TDRD5: variants seen among roughly 807,000 people sequenced by gnomAD.
TDRD5 encodes tudor domain containing 5.
TDRD5 carries 41 observed loss-of-function variants against 120.6 expected under a neutral mutation model. The ratio of observed to expected loss-of-function variants is 0.34; its 90% CI spans 0.26 to 0.44. The LOEUF (loss-of-function observed/expected upper bound fraction) is 0.44. TDRD5 is among the 20% of genes least tolerant of loss of function. The pLI is 1.00. For synonymous variants in TDRD5, 430 were observed against 433.7 expected (o/e 0.99, Z 0.11); for missense variants, 1,006 against 1,221.2 (o/e 0.82, Z 2.63).
At chr1:179,614,644 AC>A in intron 4 of TDRD5, among the ~76,000 whole-genome samples, 1 of 152,136 alleles carries the variant, frequency 6.6e-6, no homozygotes, top group East Asian at 1.9e-4. Context: ...CTTTGCTGGT[AC>A]TCAGTACAAA....
chr1:179,629,390 A>G (rs1360382023), intron 6 of TDRD5, among the ~76,000 whole-genome samples: 1 of 152,222 alleles, frequency 6.6e-6, no homozygotes, highest in Admixed American at 6.5e-5. Context: ...AAGCATTAAC[A>G]TTAGTATTAA....
intron 14 of TDRD5, among the ~76,000 whole-genome samples, chr1:179,655,251 A>C (rs975697382): frequency 2.6e-5 from 4 of 152,292 alleles, no homozygotes; most frequent in Middle Eastern, 3.4e-3. Context: ...TACCACCACC[A>C]CACACAAACA....
At chr1:179,595,522 A>G in intron 3 of TDRD5, 106 bp from the exon 4 acceptor site, 2 of 947,506 alleles carry the variant, frequency 2.1e-6, no homozygotes, top group East Asian at 5.5e-5. Context: ...TTTTGCTTCT[A>G]AGTTGAAGGC....
rs186785863 is a variant in TDRD5, at chr1:179,620,827, C to T, written c.916-208C>T. Among the ~76,000 whole-genome samples, 361 of 152,046 alleles carry T rather than the reference C, an allele frequency of 2.4e-3. 2 individuals carry two copies. The highest frequency in any genetic ancestry group is 7.0e-3 in the African/African-American group (292 of 41,502). The stretch of plus-strand genomic sequence containing the variant: ...GTAGCATGTAATAATCATTTCTCAA[C>T]TCTGGAAATGTTGGAAATCACAGTC... On this transcript the variant is annotated intron_variant, in intron 5 of 17. Coordinates refer to ENST00000444136, the MANE Select transcript of TDRD5 (RefSeq NM_001199085.3).
chr1:179,596,106 T>TA (rs1321433805), intron 4 of TDRD5, among the ~76,000 whole-genome samples: 1 of 152,222 alleles, frequency 6.6e-6, no homozygotes, highest in Non-Finnish European at 1.5e-5. Flanking sequence ...TACAGAAGCA[T>TA]ATTTGCAATT....
intron 4 of TDRD5, among the ~76,000 whole-genome samples, chr1:179,596,144 G>A (rs1675380602): frequency 6.6e-6 from 1 of 152,162 alleles, no homozygotes; most frequent in Non-Finnish European, 1.5e-5. Context: ...CTGAATGGCT[G>A]TCCCTGAGCA....
intron 17 of TDRD5, among the ~76,000 whole-genome samples, chr1:179,685,062 G>C (rs1419178170): frequency 6.6e-6 from 1 of 152,174 alleles, no homozygotes; most frequent in Non-Finnish European, 1.5e-5. Flanking sequence ...GATCCCATTT[G>C]TCAATTTTGG....
intron 3 of TDRD5, 136 bp downstream of exon 3, chr1:179,594,003 C>T: frequency 9.0e-7 from 1 of 1,110,346 alleles, no homozygotes; most frequent in Non-Finnish European, 1.3e-6. Context: ...ACTGTTCAAT[C>T]TACTTAAGCC....
intron 4 of TDRD5, among the ~76,000 whole-genome samples, chr1:179,598,246 G>A (rs542664004): frequency 8.5e-5 from 13 of 152,298 alleles, no homozygotes; most frequent in African/African-American, 2.6e-4. Context: ...CATCATACAG[G>A]TGGTCTATTG....
chr1:179,689,037 C>A (rs1169897662), intron 17 of TDRD5, among the ~76,000 whole-genome samples: 4 of 152,184 alleles, frequency 2.6e-5, no homozygotes, highest in Non-Finnish European at 5.9e-5. Context: ...TCATCTGAAG[C>A]CATCTTCTCT....
At chr1:179,624,431 A>G (rs12042195) in intron 6 of TDRD5, among the ~76,000 whole-genome samples, 13,684 of 152,208 alleles carry the variant, frequency 0.09, 680 homozygotes, top group Middle Eastern at 0.12. Context: ...GTTCTAACCA[A>G]TGTAATAAGG....
rs1375477117 is a variant in TDRD5 at position 179,628,700 on chromosome 1, T to A, written c.973-2067T>A. Among the ~76,000 whole-genome samples the A allele has an allele frequency of 2.0e-5, 3 of 152,164 alleles. No individual in the cohort carries two copies. In the East Asian group the frequency reaches 5.8e-4, roughly 29 times the overall value. ...AAATATATCTGACATATTAGTAAAT[T>A]GACTAACCTTTTAAAAGAAACTGAG... On this transcript the variant is annotated intron_variant, in intron 6 of 17. Coordinates refer to ENST00000444136, the MANE Select transcript of TDRD5 (RefSeq NM_001199085.3).
At chr1:179,647,974 T>C (rs1326822330) in intron 11 of TDRD5, among the ~76,000 whole-genome samples, 3 of 151,982 alleles carry the variant, frequency 2.0e-5, no homozygotes, top group Non-Finnish European at 4.4e-5. Flanking sequence ...TGTGGAGAAA[T>C]AGGTACACTT....
In TDRD5 at chr1:179,595,698, A is replaced by G. The variant is rs150798452; in HGVS notation, c.711A>G (p.Pro237=). The change falls in exon 4 of 18, where the codon CCA becomes CCG. Residue 237 remains proline (P), a synonymous_variant. Coordinates refer to ENST00000444136, the MANE Select transcript of TDRD5 (RefSeq NM_001199085.3). The part of the protein sequence containing the change: ...SYSTGFPVAK[P]CFSQPTSNME... Reference sequence around the variant, plus strand: ...CCACAGGCTTTCCGGTAGCAAAGCCATGCTTTTCACAACCCACTTCAAACA... The same window carrying G: ...CCACAGGCTTTCCGGTAGCAAAGCCGTGCTTTTCACAACCCACTTCAAACA... 1.2e-3 allele frequency: 1,864 copies of G among 1,613,762 alleles called. 27 individuals carry two copies. The African/African-American group carries it at 0.022, about 19-fold the overall frequency.
chr1:179,592,784 GT>G lies in TDRD5; in HGVS notation c.170del (p.Val57AspfsTer18). On this transcript the variant is annotated frameshift_variant, in exon 2 of 18. Transcript: ENST00000444136. LOFTEE classifies it high-confidence loss of function. ...TGGGTATCGGTCCACTATGGAGCTGGTATTGGACATGCCTGATGTTGTTCGT... is the reference window on the plus strand; with the variant it reads ...TGGGTATCGGTCCACTATGGAGCTGGATTGGACATGCCTGATGTTGTTCGT... ...ILGYRSTMELVLDMPDVVRVC... is the reference protein window; with the variant it reads ...ILGYRSTMELXLDMPDVVRVC... 1 of 1,614,186 alleles carries G rather than the reference GT, an allele frequency of 6.2e-7. No homozygotes were observed. The highest frequency in any genetic ancestry group is 8.5e-7 in the Non-Finnish European group (1 of 1,180,034).
At chr1:179,642,267 A>AT (rs1026122876) in intron 11 of TDRD5, among the ~76,000 whole-genome samples, 3 of 151,468 alleles carry the variant, frequency 2.0e-5, no homozygotes, top group Admixed American at 2.0e-4. Context: ...TGCCCGGCTA[A>AT]TTTTTTTATT....
At chr1:179,607,498 G>A (rs745789452) in intron 4 of TDRD5, among the ~76,000 whole-genome samples, 2 of 151,694 alleles carry the variant, frequency 1.3e-5, no homozygotes. Flanking sequence ...CCTTGTACCT[G>A]GTTAAGTGTT....
chr1:179,639,503 G>C (rs1022288975), intron 9 of TDRD5, among the ~76,000 whole-genome samples: 3 of 152,202 alleles, frequency 2.0e-5, no homozygotes, highest in African/African-American at 7.2e-5. Flanking sequence ...GCTGAGGAGA[G>C]AGGCTGCTGG....
rs1311392939 is a variant in TDRD5 at position 179,664,058 on chromosome 1, T to C, written c.2649+567T>C. 4.6e-5 allele frequency among the ~76,000 whole-genome samples: 7 copies of C among 152,306 alleles called. No individual in the cohort carries two copies. The South Asian group carries it at 1.4e-3, about 32-fold the overall frequency. On this transcript the variant is annotated intron_variant, in intron 16 of 17. Transcript: ENST00000444136. Reference sequence around the variant, plus strand: ...TGGCTGCCAGGCCTCTTTACTTTGGTGTGTTACATTGAAAATAAAGAGCTT... The same window carrying C: ...TGGCTGCCAGGCCTCTTTACTTTGGCGTGTTACATTGAAAATAAAGAGCTT...
Sources: gnomAD v4.1 joint callset for allele counts (sites outside exome capture counted in the v4.1 genomes callset) on GRCh38, gnomAD v4.1.1 for gene constraint, MANE v1.5 for transcripts, NCBI Gene and HGNC (gene_info 2026-07-23, HGNC 2026-07-21) for gene names.